The following GLRA1 variants were observed in gnomAD, a reference collection of about 807,000 sequenced individuals.
GLRA1 encodes glycine receptor alpha 1.
A neutral mutation model predicts 48.3 loss-of-function variants in GLRA1; 37 were observed. The ratio of observed to expected loss-of-function variants is 0.77; its 90% CI spans 0.59 to 1.01. The LOEUF (loss-of-function observed/expected upper bound fraction) is 1.01, where lower values mean the gene tolerates loss of function less well. GLRA1 is among the 50% of genes least tolerant of loss of function. The pLI is 0.00. For missense variants in GLRA1, 427 were observed against 571.0 expected (o/e 0.75, Z 2.57); for synonymous variants, 196 against 210.7 (o/e 0.93, Z 0.60).
rs1356966855 is a variant in GLRA1 at position 151,886,704 on chromosome 5, T to C, written c.252+17A>G. The C allele has an allele frequency of 1.9e-6, 3 of 1,558,022 alleles. No individual in the cohort carries two copies. Among genetic ancestry groups the C allele is most frequent in the Admixed American group, 3.3e-5 (2 of 59,930 alleles). ...ATCTCCAGCAGGAACTAACAGCTTG[T>C]GTTTTGACTTACTCACCATGGTTGT... On this transcript the variant is annotated intron_variant, in intron 3 of 8. Coordinates refer to ENST00000274576, the MANE Select transcript of GLRA1 (RefSeq NM_000171.4).
At chr5:151,861,232 G>A (rs1253733524) in intron 3 of GLRA1, among the ~76,000 whole-genome samples, 1 of 152,142 alleles carries the variant, frequency 6.6e-6, no homozygotes, top group Admixed American at 6.5e-5. Context: ...AATCCTTTGG[G>A]TATATACCCA....
In GLRA1 at chr5:151,859,970, G is replaced by A. The variant is rs375840161; in HGVS notation, c.291C>T (p.Asn97=). 6 of 1,614,012 alleles carry A rather than the reference G, an allele frequency of 3.7e-6. No homozygotes were observed. Among genetic ancestry groups the A allele is most frequent in the East Asian group, 2.2e-5 (1 of 44,884 alleles). The part of the protein sequence containing the change: ...RVNIFLRQQW[N]DPRLAYNEYP... ...ATTCATTATAGGCCAGGCGGGGGTC[G>A]TTCCATTGCTGCCGCAGGAAGATGT... Residue 97 remains asparagine (N), a synonymous_variant, in exon 4 of 9, where the codon AAC becomes AAT. Transcript: ENST00000274576.
intron 4 of GLRA1, among the ~76,000 whole-genome samples, chr5:151,858,273 G>T (rs146697031): frequency 1.3e-3 from 191 of 152,322 alleles, no homozygotes; most frequent in African/African-American, 4.3e-3. Context: ...CAAAAGAAGG[G>T]AGTGGAAGGA....
chr5:151,841,949 T>C (rs985703822), intron 7 of GLRA1, among the ~76,000 whole-genome samples: 7 of 151,328 alleles, frequency 4.6e-5, no homozygotes, highest in Admixed American at 3.3e-4. Flanking sequence ...CCCAGCTACT[T>C]GGGAGGCTGA....
intron 7 of GLRA1, chr5:151,850,725 G>A: frequency 1.8e-6 from 2 of 1,086,906 alleles, no homozygotes; most frequent in South Asian, 2.5e-5. Context: ...CCTTTTCGGT[G>A]ACAGAAGCCC....
At position 151,895,625 on chromosome 5, in the gene GLRA1, C is replaced by CTGTGTGTGTGTG. The variant is rs67871185; in HGVS notation, c.57-3199_57-3188dup. ...CTCTTGCAGCATGGTGTGTGTGTGT[C>CTGTGTGTGTGTG]TGTGTGTGTGTGTGTGTGTGTGTGT... On this transcript the variant is annotated intron_variant, in intron 1 of 8. Coordinates refer to ENST00000274576, the MANE Select transcript of GLRA1 (RefSeq NM_000171.4). Among the ~76,000 whole-genome samples the CTGTGTGTGTGTG allele has an allele frequency of 2.2e-4, 33 of 146,692 alleles. No homozygotes were observed. In the East Asian group the frequency reaches 2.4e-3, roughly 11 times the overall value.
At chr5:151,922,894 GAC>G (rs778832090) in intron 1 of GLRA1, among the ~76,000 whole-genome samples, 4 of 152,210 alleles carry the variant, frequency 2.6e-5, no homozygotes, top group Non-Finnish European at 5.9e-5. Context: ...GTCTCCTGTA[GAC>G]CAAGCAGAGA....
At chr5:151,830,895 C>T (rs1320741373) in intron 7 of GLRA1, among the ~76,000 whole-genome samples, 1 of 152,224 alleles carries the variant, frequency 6.6e-6, no homozygotes, top group African/African-American at 2.4e-5. Flanking sequence ...CTGCAGCTCC[C>T]AGCAAGATCA....
chr5:151,900,345 C>T (rs1358221455), intron 1 of GLRA1, among the ~76,000 whole-genome samples: 1 of 152,194 alleles, frequency 6.6e-6, no homozygotes, highest in Non-Finnish European at 1.5e-5. Flanking sequence ...GGTGGGATTT[C>T]CTGTAGATGA....
chr5:151,835,780 C>G (rs968943586), intron 7 of GLRA1, among the ~76,000 whole-genome samples: 24 of 152,166 alleles, frequency 1.6e-4, no homozygotes, highest in Non-Finnish European at 7.3e-5. Flanking sequence ...TAAAAACTCT[C>G]AATAAACTGG....
At chr5:151,892,234 C>G in intron 2 of GLRA1, 77 bp downstream of exon 2, 1 of 1,302,880 alleles carries the variant, frequency 7.7e-7, no homozygotes, top group Non-Finnish European at 1.1e-6. Context: ...TTACCATCTG[C>G]GTGCATTACC....
intron 7 of GLRA1, among the ~76,000 whole-genome samples, chr5:151,833,656 T>TTTC (rs1328093692): frequency 1.3e-5 from 2 of 151,444 alleles, no homozygotes; most frequent in African/African-American, 4.9e-5. Flanking sequence ...AGAGATGGGG[T>TTTC]TTCTTCATGT....
At chr5:151,841,814 TG>T (rs1163358074) in intron 7 of GLRA1, among the ~76,000 whole-genome samples, 1 of 152,184 alleles carries the variant, frequency 6.6e-6, no homozygotes, top group African/African-American at 2.4e-5. Flanking sequence ...CCCAGCACTT[TG>T]GGAGGCCAAG....
chr5:151,826,413 A>AT (rs922306757), intron 8 of GLRA1, among the ~76,000 whole-genome samples: 4 of 152,208 alleles, frequency 2.6e-5, no homozygotes, highest in Admixed American at 6.5e-5. Flanking sequence ...ATGCAGGACA[A>AT]TTTTTATCTG....
At chr5:151,856,002 G>T (rs1291115777) in intron 5 of GLRA1, among the ~76,000 whole-genome samples, 1 of 152,154 alleles carries the variant, frequency 6.6e-6, no homozygotes, top group African/African-American at 2.4e-5. Context: ...CATCTTGTGG[G>T]TTCAAGGACC....
At chr5:151,873,752 G>T (rs1480468715) in intron 3 of GLRA1, among the ~76,000 whole-genome samples, 2 of 151,790 alleles carry the variant, frequency 1.3e-5, no homozygotes, top group African/African-American at 4.8e-5. Flanking sequence ...CACTAACCCA[G>T]AATAAGTATG....
At position 151,822,779 on chromosome 5, in the gene GLRA1, ATCT is replaced by A. The variant is rs780743511; in HGVS notation, c.1241_1243del (p.Lys414del). 4 of 1,613,846 alleles carry A rather than the reference ATCT, an allele frequency of 2.5e-6. No homozygotes were observed. The highest frequency in any genetic ancestry group is 2.5e-6 in the Non-Finnish European group (3 of 1,179,914). ...GAAGCCAATGCGGGATATTTTGTCG[ATCT>A]TCTTGGCCCTCTGGATGAAGAGTTT... On this transcript the variant is annotated inframe_deletion, in exon 9 of 9. Transcript: ENST00000274576.
intron 1 of GLRA1, among the ~76,000 whole-genome samples, chr5:151,908,407 C>T (rs1754528036): frequency 1.3e-5 from 2 of 152,174 alleles, no homozygotes; most frequent in Non-Finnish European, 2.9e-5. Context: ...CATTCTTTTT[C>T]CCTTCTGGTT....
intron 1 of GLRA1, among the ~76,000 whole-genome samples, chr5:151,905,015 T>C (rs942208605): frequency 3.7e-4 from 56 of 152,332 alleles, no homozygotes; most frequent in African/African-American, 1.3e-3. Flanking sequence ...TAGTATTACT[T>C]TGGCATTTCA....
Sources: gnomAD v4.1 joint callset for allele counts (sites outside exome capture counted in the v4.1 genomes callset) on GRCh38, gnomAD v4.1.1 for gene constraint, MANE v1.5 for transcripts, NCBI Gene and HGNC (gene_info 2026-07-23, HGNC 2026-07-21) for gene names.